The following MLPH variants were observed in gnomAD, a reference collection of about 807,000 sequenced individuals.
MLPH encodes exophilin-3.
A neutral mutation model predicts 72.1 loss-of-function variants in MLPH; 51 were observed. That is an observed-to-expected ratio of 0.71 (90% CI 0.56 to 0.89). MLPH has a LOEUF of 0.89. Ranked by LOEUF, MLPH falls within the 40% of genes least tolerant of loss-of-function variation. The pLI is 0.00. For synonymous variants in MLPH, 301 were observed against 310.1 expected, an observed-to-expected ratio of 0.97 and a Z score of 0.31; for missense variants, 743 against 759.9, an observed-to-expected ratio of 0.98 and a Z score of 0.26.
Position 237,510,134 on chromosome 2 carries a change from G to C in MLPH, c.111-440G>C. On this transcript the variant is annotated intron_variant, in intron 2 of 15. Coordinates refer to ENST00000264605, the MANE Select transcript of MLPH (RefSeq NM_024101.7). The surrounding 1 kb of genome is among the most constrained non-coding windows in gnomAD (Gnocchi z 4.4). The stretch of plus-strand genomic sequence containing the variant: ...ACCGAGCCATTTCAGCTGCGCTCTA[G>C]AGGAGCAAACCTGGGGCGTTAGCTC... 3.5e-6 allele frequency: 1 copy of C among 282,970 alleles called. No individual in the cohort carries two copies. The highest frequency in any genetic ancestry group is 3.8e-5 in the South Asian group (1 of 26,006). 17.5% of individuals were successfully genotyped at this position (282,970 alleles called of 1,614,324 possible).
chr2:237,515,490 G>T (rs1464882126), intron 4 of MLPH, among the ~76,000 whole-genome samples: 1 of 152,208 alleles, frequency 6.6e-6, no homozygotes, highest in African/African-American at 2.4e-5. Context: ...CCCGAGAGAT[G>T]AGGATAGGAT....
rs2079749356 is a variant in MLPH at position 237,505,533 on chromosome 2, T to G, written c.111-5041T>G. 6.6e-6 allele frequency among the ~76,000 whole-genome samples: 1 copy of G among 152,192 alleles called. No individual in the cohort carries two copies. Among genetic ancestry groups the G allele is most frequent in the South Asian group, 2.1e-4 (1 of 4,834 alleles). On this transcript the variant is annotated intron_variant, in intron 2 of 15. Transcript: ENST00000264605. This position sits in a 1 kb window ranked among gnomAD's most constrained non-coding sequence, Gnocchi z 4.5. ...GGCCACAGTGGGAGCTTCCCCCTGCTGTGCCTTCAGGGGTGGCCACCAGCC... is the reference window on the plus strand; with the variant it reads ...GGCCACAGTGGGAGCTTCCCCCTGCGGTGCCTTCAGGGGTGGCCACCAGCC...
intron 1 of MLPH, among the ~76,000 whole-genome samples, chr2:237,487,920 T>C (rs1260866424): frequency 2.0e-5 from 3 of 152,104 alleles, no homozygotes; most frequent in Admixed American, 6.5e-5. Flanking sequence ...GTCTGTTTTA[T>C]TGGAATCACC....
intron 5 of MLPH, among the ~76,000 whole-genome samples, chr2:237,519,232 G>A (rs1443140424): frequency 6.6e-6 from 1 of 152,158 alleles, no homozygotes; most frequent in Non-Finnish European, 1.5e-5. Flanking sequence ...GGCTGGGTAG[G>A]TGAGCAGGGG....
At chr2:237,521,393 A>G (rs1170992452) in intron 6 of MLPH, among the ~76,000 whole-genome samples, 2 of 152,074 alleles carry the variant, frequency 1.3e-5, no homozygotes, top group African/African-American at 2.4e-5. Flanking sequence ...TGAGGGGTAG[A>G]GTCTTGAATA....
At chr2:237,515,319 G>A (rs1159443039) in intron 4 of MLPH, among the ~76,000 whole-genome samples, 1 of 152,182 alleles carries the variant, frequency 6.6e-6, no homozygotes, top group Non-Finnish European at 1.5e-5. Context: ...TGCTCGCCAG[G>A]TGCCGGGTCC....
chr2:237,525,348 CG>C (rs2080278957), intron 6 of MLPH, among the ~76,000 whole-genome samples: 1 of 152,308 alleles, frequency 6.6e-6, no homozygotes, highest in African/African-American at 2.4e-5. Context: ...CCCAGGGTGT[CG>C]TTGGGGGCCC....
chr2:237,489,016 G>T (rs1177485624), intron 1 of MLPH, among the ~76,000 whole-genome samples: 2 of 151,996 alleles, frequency 1.3e-5, no homozygotes, highest in Non-Finnish European at 2.9e-5. Context: ...CATCATCCAG[G>T]GCTGGAGAGG....
chr2:237,530,712 G>A (rs190949996), intron 8 of MLPH, among the ~76,000 whole-genome samples: 1 of 152,306 alleles, frequency 6.6e-6, no homozygotes, highest in Non-Finnish European at 1.5e-5. Flanking sequence ...TCACCCATTG[G>A]GGCCCACAAT....
At position 237,510,741 on chromosome 2, in the gene MLPH, G is replaced by C. The variant is rs1264280763; in HGVS notation, c.278G>C (p.Gly93Ala). ...GGCCTCTTCACCTGCAAAAGCTGTG[G>C]CCGCGTCCACCCGGAGGAGCAGGGC... ...ECGLFTCKSC[G>A]RVHPEEQGWI... is the part of the protein sequence containing the mutation. The change falls in exon 3 of 16, where the codon GGC becomes GCC. Residue 93 changes from glycine to alanine, a missense_variant. Transcript: ENST00000264605. The surrounding 1 kb of genome is among the most constrained non-coding windows in gnomAD (Gnocchi z 4.4). 2 of 1,613,704 alleles carry C rather than the reference G, an allele frequency of 1.2e-6. No homozygotes were observed.
intron 2 of MLPH, among the ~76,000 whole-genome samples, chr2:237,494,225 A>G (rs1396541004): frequency 1.3e-5 from 2 of 152,062 alleles, no homozygotes; most frequent in Non-Finnish European, 2.9e-5. Context: ...GGTGGAGGGC[A>G]GAGGGCAGAA....
intron 9 of MLPH, among the ~76,000 whole-genome samples, chr2:237,537,030 CTGG>C (rs2080546220): frequency 6.6e-6 from 1 of 152,248 alleles, no homozygotes; most frequent in African/African-American, 2.4e-5. Context: ...GAATGGCCCT[CTGG>C]GCCATCAAGG....
chr2:237,542,036 G>A (rs528888349), intron 11 of MLPH, among the ~76,000 whole-genome samples: 1 of 152,330 alleles, frequency 6.6e-6, no homozygotes, highest in East Asian at 1.9e-4. Flanking sequence ...TCAGAGTGAT[G>A]AGGGGAGAGT....
chr2:237,533,390 CTTTTTTTTTTT>C (rs746139615), intron 8 of MLPH, among the ~76,000 whole-genome samples: 3 of 108,008 alleles, frequency 2.8e-5, no homozygotes, highest in South Asian at 3.1e-4. Context: ...ATTTTCTTTT[CTTTTTTTTTTT>C]TTTTTTTTTT....
At chr2:237,519,561 G>A (rs1241174272) in intron 5 of MLPH, among the ~76,000 whole-genome samples, 1 of 152,184 alleles carries the variant, frequency 6.6e-6, no homozygotes, top group Non-Finnish European at 1.5e-5. Context: ...GAAGCCCCAG[G>A]GACCCGCCCC....
At chr2:237,547,265 G>A (rs563879259) in intron 13 of MLPH, among the ~76,000 whole-genome samples, 5 of 152,372 alleles carry the variant, frequency 3.3e-5, no homozygotes, top group South Asian at 2.1e-4. Context: ...ACAGGGACTC[G>A]GGGGGTGTGA....
Position 237,549,297 on chromosome 2 carries a change from C to G in MLPH, c.1675+19C>G. ...AGTCAAGGTAAGAGCCCTCTGCTCC[C>G]CCACCCCCATGGGCCTGGGAAATGA... On this transcript the variant is annotated intron_variant, in intron 14 of 15. Coordinates refer to ENST00000264605, the MANE Select transcript of MLPH (RefSeq NM_024101.7). 6.2e-7 allele frequency: 1 copy of G among 1,611,966 alleles called. No individual in the cohort carries two copies. Among genetic ancestry groups the G allele is most frequent in the South Asian group, 1.1e-5 (1 of 91,026 alleles).
At chr2:237,518,278 A>G in intron 4 of MLPH, 1 of 566,966 alleles carries the variant, frequency 1.8e-6, no homozygotes. Flanking sequence ...TGGGCTGCCC[A>G]TTGAGTAGGT....
intron 13 of MLPH, 137 bp downstream of exon 13, chr2:237,546,820 C>A: frequency 1.3e-6 from 1 of 767,026 alleles, no homozygotes; most frequent in Non-Finnish European, 2.3e-6. Flanking sequence ...GCCCACACAG[C>A]TGCCACAACA....
Sources: allele counts gnomAD v4.1 joint callset (sites outside exome capture counted in the v4.1 genomes callset), GRCh38; gene constraint gnomAD v4.1.1; non-coding constraint Gnocchi (gnomAD v3.1); transcripts MANE v1.5; gene names NCBI Gene and HGNC (gene_info 2026-07-23, HGNC 2026-07-21).